ST7L: variants seen among roughly 807,000 people sequenced by gnomAD.
ST7L encodes the protein suppression of tumorigenicity 7 like.
ST7L carries 57 observed loss-of-function variants against 72.5 expected under a neutral mutation model. The ratio of observed to expected loss-of-function variants is 0.79; its 90% CI spans 0.64 to 0.98. The LOEUF is 0.98. ST7L is among the 50% of genes least tolerant of loss of function. ST7L has a pLI of 0.00. For missense variants in ST7L, 576 were observed against 672.2 expected, an observed-to-expected ratio of 0.86 and a Z score of 1.58; for synonymous variants, 221 against 240.9, an observed-to-expected ratio of 0.92 and a Z score of 0.77.
chr1:112,583,226 A>G (rs1022390642), intron 7 of ST7L, among the ~76,000 whole-genome samples: 1 of 152,236 alleles, frequency 6.6e-6, no homozygotes, highest in Non-Finnish European at 1.5e-5. Flanking sequence ...TTTAGAACTT[A>G]GCTGCCAGTA....
intron 1 of ST7L, 124 bp downstream of exon 1, chr1:112,618,781 CACTT>C: frequency 1.0e-5 from 15 of 1,448,756 alleles, no homozygotes; most frequent in Non-Finnish European, 1.4e-5. Flanking sequence ...AAAAAGAACT[CACTT>C]GATCGCTCAT....
At chr1:112,570,545 G>GTATATATATA (rs71584748) in intron 11 of ST7L, among the ~76,000 whole-genome samples, 5,472 of 129,738 alleles carry the variant, frequency 0.042, 157 homozygotes, top group East Asian at 0.12. Context: ...AATAAAAGAT[G>GTATATATATA]TATATATATA....
At position 112,551,138 on chromosome 1, in the gene ST7L, C is replaced by CTTTTTTTTTTTTTTTTTTTTTTTTTTTT. The variant is rs567601091; in HGVS notation, c.1397-473_1397-446dup. On this transcript the variant is annotated intron_variant, in intron 12 of 14. Transcript: ENST00000358039. ...TCACCAAAGCTTTCTATGAGCAGATCTTTTTTTTTTTTTTTTTTTTTTTTT... is the reference window on the plus strand; with the variant it reads ...TCACCAAAGCTTTCTATGAGCAGATCTTTTTTTTTTTTTTTTTTTTTTTTTTTTTTTTTTTTTTTTTTTTTTTTTTTTT... Among the ~76,000 whole-genome samples the CTTTTTTTTTTTTTTTTTTTTTTTTTTTT allele has an allele frequency of 5.2e-5, 4 of 77,208 alleles. 1 individual carries two copies. Among genetic ancestry groups the CTTTTTTTTTTTTTTTTTTTTTTTTTTTT allele is most frequent in the African/African-American group, 1.9e-4 (3 of 15,764 alleles). 50.7% of individuals were successfully genotyped at this position (77,208 alleles called of 152,430 possible). A position where few individuals can be genotyped will look rare whatever the true frequency, so the allele number is the denominator to read the frequency against.
At chr1:112,612,077 A>T (rs1023629439) in intron 2 of ST7L, among the ~76,000 whole-genome samples, 7 of 152,058 alleles carry the variant, frequency 4.6e-5, no homozygotes, top group African/African-American at 1.7e-4. Flanking sequence ...TGCACAACTA[A>T]GAGATTTTAA....
intron 12 of ST7L, among the ~76,000 whole-genome samples, chr1:112,551,091 T>C (rs1275535871): frequency 6.6e-6 from 1 of 151,574 alleles, no homozygotes; most frequent in African/African-American, 2.4e-5. Flanking sequence ...TTTTCAATGG[T>C]TCCTAACTTC....
At chr1:112,564,359 C>A (rs1239057064) in intron 11 of ST7L, among the ~76,000 whole-genome samples, 1 of 152,118 alleles carries the variant, frequency 6.6e-6, no homozygotes, top group East Asian at 1.9e-4. Flanking sequence ...AAGGGAAAGG[C>A]AAAGGTTTCA....
intron 13 of ST7L, among the ~76,000 whole-genome samples, chr1:112,546,316 CA>C (rs57742086): frequency 0.5 from 45,966 of 91,296 alleles, 8,467 homozygotes; most frequent in East Asian, 0.63. Flanking sequence ...AATCCTAACT[CA>C]AAAAAAAAAA....
chr1:112,572,380 CT>C (rs542116226), intron 11 of ST7L, among the ~76,000 whole-genome samples: 13 of 152,324 alleles, frequency 8.5e-5, no homozygotes, highest in South Asian at 4.1e-4. Context: ...AACTTCTCCT[CT>C]CTAGCTATGA....
intron 2 of ST7L, among the ~76,000 whole-genome samples, chr1:112,614,941 A>AT (rs770334706): frequency 6.6e-6 from 1 of 152,050 alleles, no homozygotes; most frequent in African/African-American, 2.4e-5. Flanking sequence ...AAAATATTTT[A>AT]TTTTTTTTAA....
chr1:112,565,642 C>T (rs1660897016), intron 11 of ST7L, among the ~76,000 whole-genome samples: 1 of 152,130 alleles, frequency 6.6e-6, no homozygotes, highest in South Asian at 2.1e-4. Context: ...CTCATCTCAA[C>T]AAAGGAATCC....
intron 5 of ST7L, among the ~76,000 whole-genome samples, chr1:112,595,075 C>T (rs545061327): frequency 3.9e-5 from 6 of 152,134 alleles, no homozygotes; most frequent in African/African-American, 1.4e-4. Context: ...TGTTAAAGGG[C>T]ATTTGGTAAG....
intron 14 of ST7L, among the ~76,000 whole-genome samples, chr1:112,533,743 A>C (rs1270975625): frequency 6.6e-6 from 1 of 151,552 alleles, no homozygotes; most frequent in Non-Finnish European, 1.5e-5. Context: ...ATAACCTCCA[A>C]CTCCTGGGCT....
rs1010931557 is a variant in ST7L, at chr1:112,578,283, G to A, written c.1142+62C>T. 1.1e-5 allele frequency: 16 copies of A among 1,421,040 alleles called. No individual in the cohort carries two copies. The African/African-American group carries it at 2.2e-4, about 20-fold the overall frequency. The allele number at this position is 1,421,040 out of a possible 1,614,324, so 88.0% of individuals were successfully genotyped here. A position where few individuals can be genotyped will look rare whatever the true frequency, so the allele number is the denominator to read the frequency against. On this transcript the variant is annotated intron_variant, in intron 10 of 14. Coordinates refer to ENST00000358039, the MANE Select transcript of ST7L (RefSeq NM_017744.5). ...AACAGCATTGTTTAAAGTCAGTAGA[G>A]GACAAGCATAATACTGAGTTTAGCA...
chr1:112,541,623 G>T (rs2101387610), intron 14 of ST7L, among the ~76,000 whole-genome samples: 1 of 152,192 alleles, frequency 6.6e-6, no homozygotes, highest in African/African-American at 2.4e-5. Flanking sequence ...AAATCAAAGG[G>T]TTTGTTTACA....
intron 11 of ST7L, among the ~76,000 whole-genome samples, chr1:112,556,810 A>C (rs931046610): frequency 6.6e-6 from 1 of 151,844 alleles, no homozygotes; most frequent in East Asian, 1.9e-4. Flanking sequence ...TCTACTAAAA[A>C]TACAAAAATT....
chr1:112,600,369 G>A (rs958523411), intron 4 of ST7L, among the ~76,000 whole-genome samples: 7 of 152,102 alleles, frequency 4.6e-5, no homozygotes, highest in African/African-American at 7.2e-5. Context: ...TTAGCTGGAT[G>A]TGGTCTCTGC....
intron 11 of ST7L, among the ~76,000 whole-genome samples, chr1:112,562,617 T>G (rs1287453651): frequency 6.6e-6 from 1 of 152,028 alleles, no homozygotes; most frequent in Non-Finnish European, 1.5e-5. Flanking sequence ...GGCGGTGAGG[T>G]ATGATGAGGC....
chr1:112,587,479 T>C (rs1470081105), intron 6 of ST7L, among the ~76,000 whole-genome samples: 1 of 152,156 alleles, frequency 6.6e-6, no homozygotes, highest in East Asian at 1.9e-4. Flanking sequence ...GGCACGTGCC[T>C]GTATTCCCAG....
At position 112,606,065 on chromosome 1, in the gene ST7L, T is replaced by C. The variant is rs534426849; in HGVS notation, c.451+4776A>G. On this transcript the variant is annotated intron_variant, in intron 3 of 14. Transcript: ENST00000358039. ...TCCCTTTTAGTTCAAACTGGTAGTG[T>C]GTTTGCTCGTGTAAACTCAATTCTG... Among the ~76,000 whole-genome samples the C allele has an allele frequency of 2.8e-4, 43 of 152,342 alleles. 1 individual carries two copies. Among genetic ancestry groups the C allele is most frequent in the Non-Finnish European group, 1.3e-4 (9 of 68,036 alleles).
Sources: allele counts gnomAD v4.1 joint callset (sites outside exome capture counted in the v4.1 genomes callset), GRCh38; gene constraint gnomAD v4.1.1; transcripts MANE v1.5; gene names NCBI Gene and HGNC (gene_info 2026-07-23, HGNC 2026-07-21).